Variants in SDK1 observed in about 807,000 individuals in gnomAD.
SDK1 encodes the protein sidekick cell adhesion molecule 1.
Under a neutral mutation model 245.5 loss-of-function variants are expected in SDK1, and 157 were observed. The ratio of observed to expected loss-of-function variants is 0.64; its 90% CI spans 0.56 to 0.73. The LOEUF (loss-of-function observed/expected upper bound fraction) is 0.73. SDK1 is among the 30% of genes least tolerant of loss of function. The pLI, the probability that SDK1 is intolerant of heterozygous loss-of-function variation, is 0.00. For missense variants in SDK1, 3,583 were observed against 3,002.3 expected, an observed-to-expected ratio of 1.19 and a Z score of -4.52; for synonymous variants, 1,647 against 1,278.5, an observed-to-expected ratio of 1.29 and a Z score of -6.15.
chr7:3,949,722 G>T (rs1780722115), intron 5 of SDK1, among the ~76,000 whole-genome samples: 1 of 152,128 alleles, frequency 6.6e-6, no homozygotes, highest in Non-Finnish European at 1.5e-5. Flanking sequence ...ATGTATTTTA[G>T]AGAAAAGCGG....
At chr7:3,974,211 A>G (rs1003961340) in intron 12 of SDK1, among the ~76,000 whole-genome samples, 158 bp from the exon 13 acceptor site, 1 of 151,916 alleles carries the variant, frequency 6.6e-6, no homozygotes, top group African/African-American at 2.4e-5. Flanking sequence ...GAAAGAAAGA[A>G]AAAGAAAAGA....
chr7:4,010,839 C>A, intron 14 of SDK1, 127 bp from the exon 15 acceptor site: 1 of 956,986 alleles, frequency 1.0e-6, no homozygotes, highest in Non-Finnish European at 1.5e-6. Flanking sequence ...ATGGGATAAG[C>A]TTTCCTTCTC....
chr7:3,877,995 C>T (rs561656870), intron 5 of SDK1, among the ~76,000 whole-genome samples: 1 of 152,318 alleles, frequency 6.6e-6, no homozygotes, highest in East Asian at 1.9e-4. Flanking sequence ...GAGGGAATGC[C>T]TATTTTAAAT....
intron 1 of SDK1, among the ~76,000 whole-genome samples, chr7:3,459,443 C>T (rs1031946030): frequency 1.3e-5 from 2 of 152,162 alleles, no homozygotes; most frequent in Admixed American, 6.5e-5. Context: ...AGCCACTCCC[C>T]AGTGCCATGA....
At position 4,077,152 on chromosome 7, in the gene SDK1, G is replaced by A; in HGVS notation, c.3165G>A (p.Leu1055=). ...CTGTGACTGCCGTGGGCACTGGCCT[G>A]GTGACTTCATCCACCATTTCTTCTG... ...VAAVTAVGTG[L]VTSSTISSGV... is the part of the protein sequence containing the mutation. The change falls in exon 21 of 45, where the codon CTG becomes CTA. Residue 1055 remains leucine (L), a synonymous_variant. Transcript: ENST00000404826. 1 of 1,614,218 alleles carries A rather than the reference G, an allele frequency of 6.2e-7. No individual in the cohort carries two copies. The highest frequency in any genetic ancestry group is 8.5e-7 in the Non-Finnish European group (1 of 1,180,044).
At chr7:3,371,849 C>G (rs559801366) in intron 1 of SDK1, among the ~76,000 whole-genome samples, 2 of 152,102 alleles carry the variant, frequency 1.3e-5, no homozygotes, top group African/African-American at 4.8e-5. Context: ...CATAAGAAAC[C>G]CTGACAGTCG....
chr7:3,309,526 T>C (rs1011051630), intron 1 of SDK1, among the ~76,000 whole-genome samples: 2 of 145,350 alleles, frequency 1.4e-5, no homozygotes, highest in Non-Finnish European at 3.1e-5. Context: ...AGAAAAAGAT[T>C]TTTTTTTTTT....
At chr7:4,164,581 T>C (rs892232497) in intron 32 of SDK1, among the ~76,000 whole-genome samples, 1 of 152,208 alleles carries the variant, frequency 6.6e-6, no homozygotes, top group Non-Finnish European at 1.5e-5. Flanking sequence ...ATTCACATTT[T>C]CTTTGTAGAC....
intron 4 of SDK1, among the ~76,000 whole-genome samples, chr7:3,680,684 C>G (rs1325182105): frequency 6.6e-6 from 1 of 152,072 alleles, no homozygotes; most frequent in African/African-American, 2.4e-5. Context: ...TAATTATTGT[C>G]AAGTAACTAT....
intron 1 of SDK1, among the ~76,000 whole-genome samples, chr7:3,385,492 A>G (rs1167758627): frequency 6.6e-6 from 1 of 152,034 alleles, no homozygotes; most frequent in African/African-American, 2.4e-5. Flanking sequence ...AAAAACTTCC[A>G]TCCTTTTTTT....
At chr7:3,782,070 A>G (rs1354908111) in intron 4 of SDK1, among the ~76,000 whole-genome samples, 1 of 152,218 alleles carries the variant, frequency 6.6e-6, no homozygotes, top group Non-Finnish European at 1.5e-5. Flanking sequence ...CTGTTGTTGC[A>G]TTGCTGTAAA....
intron 4 of SDK1, among the ~76,000 whole-genome samples, chr7:3,681,732 T>G (rs1784106555): frequency 6.6e-6 from 1 of 152,216 alleles, no homozygotes; most frequent in Non-Finnish European, 1.5e-5. Context: ...AATAATTACT[T>G]GTTGAATGAA....
In SDK1 at chr7:4,265,990, G is replaced by C. The variant is rs1311832783; in HGVS notation, c.*606G>C. 3.0e-6 allele frequency: 3 copies of C among 985,520 alleles called. No homozygotes were observed. The African/African-American group carries it at 5.2e-5, about 17-fold the overall frequency. The allele number at this position is 985,520 out of a possible 1,614,324, so 61.0% of individuals were successfully genotyped here. On this transcript the variant is annotated 3_prime_UTR_variant, in exon 45 of 45. Coordinates refer to ENST00000404826, the MANE Select transcript of SDK1 (RefSeq NM_152744.4). ...TCGGCTTTCAGGTTCCTGACGGCCA[G>C]GCAGGGATGCTAAGGTGTGGCTCAG...
At chr7:3,872,176 A>G (rs1318991491) in intron 5 of SDK1, among the ~76,000 whole-genome samples, 1 of 152,202 alleles carries the variant, frequency 6.6e-6, no homozygotes, top group South Asian at 2.1e-4. Context: ...GTACTTTTAT[A>G]TATTTCTGGA....
chr7:3,889,743 C>T (rs191139613), intron 5 of SDK1, among the ~76,000 whole-genome samples: 6 of 152,244 alleles, frequency 3.9e-5, no homozygotes, highest in African/African-American at 9.6e-5. Context: ...CTCCTGACCT[C>T]GTGATCCACC....
chr7:4,086,536 C>G (rs1781439773), intron 22 of SDK1, among the ~76,000 whole-genome samples: 1 of 152,158 alleles, frequency 6.6e-6, no homozygotes, highest in African/African-American at 2.4e-5. Context: ...CTGGAGGTCA[C>G]CACGGTCTGT....
chr7:3,672,041 G>A (rs745780047), intron 4 of SDK1, among the ~76,000 whole-genome samples: 6 of 152,086 alleles, frequency 3.9e-5, no homozygotes, highest in South Asian at 2.1e-4. Context: ...AAGTCCTGGC[G>A]GCCTCTGGGA....
At chr7:3,696,142 C>T (rs193064122) in intron 4 of SDK1, among the ~76,000 whole-genome samples, 1 of 152,266 alleles carries the variant, frequency 6.6e-6, no homozygotes, top group East Asian at 1.9e-4. Flanking sequence ...GCTCCCATGT[C>T]TTTAACTTCC....
At position 3,644,574 on chromosome 7, in the gene SDK1, G is replaced by T. The variant is rs112477738; in HGVS notation, c.713+2469G>T. 5.8e-3 allele frequency among the ~76,000 whole-genome samples: 872 copies of T among 150,906 alleles called. 15 individuals are homozygous for T. Among genetic ancestry groups the T allele is most frequent in the African/African-American group, 0.02 (825 of 41,140 alleles). Reference sequence around the variant, plus strand: ...CAATCTGGAGTTTAAAAACAGCCTGGGCAACATACTGAAACCTTATCTCTA... The same window carrying T: ...CAATCTGGAGTTTAAAAACAGCCTGTGCAACATACTGAAACCTTATCTCTA... On this transcript the variant is annotated intron_variant, in intron 4 of 44. Coordinates refer to ENST00000404826, the MANE Select transcript of SDK1 (RefSeq NM_152744.4).
Sources: allele counts gnomAD v4.1 joint callset (sites outside exome capture counted in the v4.1 genomes callset), GRCh38; gene constraint gnomAD v4.1.1; transcripts MANE v1.5; gene names NCBI Gene and HGNC (gene_info 2026-07-23, HGNC 2026-07-21).